CBFA2T3: variants seen among roughly 807,000 people sequenced by gnomAD.
CBFA2T3 encodes the protein transcriptional corepressor CBFA2T3.
Under a neutral mutation model 58.6 loss-of-function variants are expected in CBFA2T3, and 31 were observed. The observed-to-expected ratio is 0.53, with a 90% CI of 0.40 to 0.71. The LOEUF (loss-of-function observed/expected upper bound fraction) is 0.71, where lower values mean the gene tolerates loss of function less well. Ranked by LOEUF, CBFA2T3 falls within the 30% of genes least tolerant of loss-of-function variation. The pLI, the probability that CBFA2T3 is intolerant of heterozygous loss-of-function variation, is 0.00. For synonymous variants in CBFA2T3, 531 were observed against 421.9 expected (o/e 1.26, Z -3.17); for missense variants, 1,076 against 963.1 (o/e 1.12, Z -1.55).
chr16:88,908,576 C>T (rs1248211464), intron 1 of CBFA2T3, among the ~76,000 whole-genome samples: 2 of 152,198 alleles, frequency 1.3e-5, no homozygotes, highest in Non-Finnish European at 2.9e-5. Context: ...GCACCCAGCC[C>T]GCCCTGCCCA....
chr16:88,944,014 C>T (rs1971833324), intron 1 of CBFA2T3, among the ~76,000 whole-genome samples: 1 of 152,116 alleles, frequency 6.6e-6, no homozygotes, highest in African/African-American at 2.4e-5. Context: ...GTGTCGCTGT[C>T]TGTAGAGGCA....
At chr16:88,960,542 A>G (rs1304224921) in intron 1 of CBFA2T3, among the ~76,000 whole-genome samples, 1 of 152,170 alleles carries the variant, frequency 6.6e-6, no homozygotes, top group African/African-American at 2.4e-5. Flanking sequence ...AAGAATCTCA[A>G]TTTTCCTTAT....
chr16:88,879,259 G>A lies in CBFA2T3; in HGVS notation c.1662+11C>T, dbSNP rs374716220. ...CAGGGGATGGGTGTCAGCGTGGCCGGGTGGCCCTACCTCGCTGGAGTCCTC... is the reference window on the plus strand; with the variant it reads ...CAGGGGATGGGTGTCAGCGTGGCCGAGTGGCCCTACCTCGCTGGAGTCCTC... On this transcript the variant is annotated intron_variant, in intron 11 of 11. Transcript: ENST00000268679. The A allele has an allele frequency of 1.9e-6, 3 of 1,580,686 alleles. No homozygotes were observed. The highest frequency in any genetic ancestry group is 1.3e-5 in the African/African-American group (1 of 74,630).
At chr16:88,949,603 G>A (rs571378407) in intron 1 of CBFA2T3, among the ~76,000 whole-genome samples, 2 of 151,914 alleles carry the variant, frequency 1.3e-5, no homozygotes, top group Admixed American at 6.6e-5. Flanking sequence ...CTGGGAGTGG[G>A]TGTGGGGACA....
intron 3 of CBFA2T3, among the ~76,000 whole-genome samples, chr16:88,892,689 G>C (rs901660991): frequency 6.6e-6 from 1 of 152,222 alleles, no homozygotes; most frequent in African/African-American, 2.4e-5. Context: ...TTAGCATGCT[G>C]ACCATCTGTC....
chr16:88,917,317 CTGGCACCGTGGGAGAAAGG>C (rs1167662578), intron 1 of CBFA2T3, among the ~76,000 whole-genome samples: 1 of 152,140 alleles, frequency 6.6e-6, no homozygotes, highest in African/African-American at 2.4e-5. Flanking sequence ...GGCTGCGGAA[CTGGCACCGTGGGAGAAAGG>C]TGCCACCGTG....
At chr16:88,929,325 G>T (rs538933561) in intron 1 of CBFA2T3, among the ~76,000 whole-genome samples, 4 of 152,346 alleles carry the variant, frequency 2.6e-5, no homozygotes, top group East Asian at 1.9e-4. Flanking sequence ...CCTGTGAGAG[G>T]CGTGGTGAGG....
At chr16:88,946,667 G>C (rs1971910564) in intron 1 of CBFA2T3, among the ~76,000 whole-genome samples, 1 of 152,082 alleles carries the variant, frequency 6.6e-6, no homozygotes, top group Non-Finnish European at 1.5e-5. Flanking sequence ...ATTTTTAGTA[G>C]AGACAGGGTT....
At chr16:88,935,528 G>A (rs560989487) in intron 1 of CBFA2T3, among the ~76,000 whole-genome samples, 34 of 152,360 alleles carry the variant, frequency 2.2e-4, no homozygotes, top group South Asian at 4.1e-4. Flanking sequence ...TGCAGGTGGC[G>A]TGGTGCACCC....
intron 1 of CBFA2T3, among the ~76,000 whole-genome samples, chr16:88,905,735 C>G (rs1473769287): frequency 6.2e-5 from 1 of 16,074 alleles, no homozygotes; most frequent in African/African-American, 2.6e-4. Flanking sequence ...GAAGGAGGGG[C>G]GGGACTGGAG....
At chr16:88,935,751 T>C (rs2142784489) in intron 1 of CBFA2T3, among the ~76,000 whole-genome samples, 1 of 152,286 alleles carries the variant, frequency 6.6e-6, no homozygotes, top group Admixed American at 6.5e-5. Flanking sequence ...CATCCACCAC[T>C]GAGCCTCAGG....
At chr16:88,894,941 T>C (rs1370849102) in intron 3 of CBFA2T3, among the ~76,000 whole-genome samples, 2 of 152,140 alleles carry the variant, frequency 1.3e-5, no homozygotes, top group Admixed American at 1.3e-4. Context: ...GTTTCCTTCC[T>C]GTGCCCTGGA....
intron 1 of CBFA2T3, among the ~76,000 whole-genome samples, chr16:88,948,458 G>C (rs1971962770): frequency 6.6e-6 from 1 of 152,208 alleles, no homozygotes; most frequent in Admixed American, 6.5e-5. Flanking sequence ...CCGTCAGCCT[G>C]GGCCGTCTGG....
At chr16:88,931,642 G>A (rs1450376490) in intron 1 of CBFA2T3, among the ~76,000 whole-genome samples, 1 of 150,612 alleles carries the variant, frequency 6.6e-6, no homozygotes, top group African/African-American at 2.5e-5. Flanking sequence ...CAGAGGTGGA[G>A]AAGGGCCGTG....
chr16:88,904,071 C>T (rs1309915025), intron 1 of CBFA2T3, among the ~76,000 whole-genome samples: 3 of 152,210 alleles, frequency 2.0e-5, no homozygotes, highest in Admixed American at 6.5e-5. Context: ...TCACCACAGC[C>T]GTCACCCAAC....
chr16:88,889,289 G>A (rs924264088), intron 5 of CBFA2T3, among the ~76,000 whole-genome samples: 3 of 146,820 alleles, frequency 2.0e-5, no homozygotes, highest in African/African-American at 7.6e-5. Flanking sequence ...AGGAAGGCGG[G>A]AGGAGGGATG....
At chr16:88,968,627 C>T (rs79128705) in intron 1 of CBFA2T3, among the ~76,000 whole-genome samples, 1,557 of 152,322 alleles carry the variant, frequency 0.01, 22 homozygotes, top group African/African-American at 0.035. Flanking sequence ...GGGGCAGAAG[C>T]AGCTGAGACG....
At chr16:88,947,327 A>G (rs569021869) in intron 1 of CBFA2T3, among the ~76,000 whole-genome samples, 1 of 152,356 alleles carries the variant, frequency 6.6e-6, no homozygotes, top group East Asian at 1.9e-4. Flanking sequence ...TTTGCCGTTT[A>G]AAAGACAGAT....
At chr16:88,943,656 G>A (rs1195419157) in intron 1 of CBFA2T3, among the ~76,000 whole-genome samples, 1 of 152,174 alleles carries the variant, frequency 6.6e-6, no homozygotes, top group African/African-American at 2.4e-5. Flanking sequence ...GCTGGGCACC[G>A]TCTCTGCATT....
Sources: gnomAD v4.1 joint callset for allele counts (sites outside exome capture counted in the v4.1 genomes callset) on GRCh38, gnomAD v4.1.1 for gene constraint, MANE v1.5 for transcripts, NCBI Gene and HGNC (gene_info 2026-07-23, HGNC 2026-07-21) for gene names.